Variants in STPG2 observed in about 807,000 individuals in gnomAD.
The protein encoded by STPG2 is sperm-tail PG-rich repeat-containing protein 2.
In STPG2, 56 loss-of-function variants were observed where a neutral mutation model predicts 54.2. That is an observed-to-expected ratio of 1.03 (90% confidence interval 0.83 to 1.29). The LOEUF (loss-of-function observed/expected upper bound fraction) is 1.29, where lower values mean the gene tolerates loss of function less well. Among genes scored for constraint, STPG2 ranks in the 50% most tolerant of loss-of-function variants. The pLI is 0.00. For synonymous variants in STPG2, 200 were observed against 181.8 expected, an observed-to-expected ratio of 1.10 and a Z score of -0.81; for missense variants, 596 against 544.9, an observed-to-expected ratio of 1.09 and a Z score of -0.93.
chr4:97,463,831 A>G (rs947922139), intron 4 of STPG2, among the ~76,000 whole-genome samples: 3 of 152,264 alleles, frequency 2.0e-5, no homozygotes, highest in Admixed American at 6.5e-5. Context: ...TAGTAACACC[A>G]TATGTTTTTT....
chr4:98,095,112 T>C (rs1738812520), intron 5 of STPG2, among the ~76,000 whole-genome samples: 2 of 152,060 alleles, frequency 1.3e-5, no homozygotes, highest in Non-Finnish European at 2.9e-5. Context: ...ATTACAACAG[T>C]TTAAAATAAT....
At chr4:98,035,944 C>T (rs925897708) in intron 5 of STPG2, among the ~76,000 whole-genome samples, 7 of 150,942 alleles carry the variant, frequency 4.6e-5, no homozygotes, top group South Asian at 2.1e-4. Context: ...CAGGGCCTGT[C>T]GAGGGGTGGG....
chr4:97,617,328 AT>A (rs1484305054), intron 10 of STPG2, among the ~76,000 whole-genome samples: 1 of 152,138 alleles, frequency 6.6e-6, no homozygotes, highest in African/African-American at 2.4e-5. Context: ...TTGGGATTCA[AT>A]TTTCTGAATT....
chr4:97,793,583 T>C (rs1318434536), intron 9 of STPG2, among the ~76,000 whole-genome samples: 1 of 151,898 alleles, frequency 6.6e-6, no homozygotes, highest in African/African-American at 2.4e-5. Flanking sequence ...TTCTAAAAGA[T>C]ATATTTCAAG....
intron 9 of STPG2, among the ~76,000 whole-genome samples, chr4:97,762,984 T>A (rs1725931462): frequency 1.3e-5 from 2 of 152,156 alleles, no homozygotes; most frequent in Non-Finnish European, 2.9e-5. Context: ...TGGATACAAA[T>A]CTTAACATAC....
At chr4:97,551,855 G>A (rs1731973990) in intron 4 of STPG2, among the ~76,000 whole-genome samples, 1 of 152,124 alleles carries the variant, frequency 6.6e-6, no homozygotes. Flanking sequence ...CTAGGACTGG[G>A]GGGTGTCTCA....
intron 4 of STPG2, among the ~76,000 whole-genome samples, chr4:97,535,924 GTT>G (rs1261383994): frequency 6.6e-6 from 1 of 152,080 alleles, no homozygotes; most frequent in Non-Finnish European, 1.5e-5. Context: ...CACCATCTGT[GTT>G]TTTCTCTCTA....
At chr4:98,011,032 T>C (rs998550288) in intron 5 of STPG2, among the ~76,000 whole-genome samples, 1 of 152,198 alleles carries the variant, frequency 6.6e-6, no homozygotes, top group Admixed American at 6.5e-5. Context: ...CTTAGTGGTT[T>C]GCTGCACTGA....
chr4:98,068,110 C>T (rs1458871262), intron 5 of STPG2, among the ~76,000 whole-genome samples: 1 of 152,088 alleles, frequency 6.6e-6, no homozygotes, highest in South Asian at 2.1e-4. Flanking sequence ...AAGTAACATC[C>T]AGGCTGTGCT....
At chr4:97,834,516 A>C (rs146548385) in intron 9 of STPG2, among the ~76,000 whole-genome samples, 1 of 151,750 alleles carries the variant, frequency 6.6e-6, no homozygotes, top group East Asian at 1.9e-4. Flanking sequence ...ATAAAAAATT[A>C]TTATTATTCG....
chr4:97,778,392 C>T (rs930210305), intron 9 of STPG2, among the ~76,000 whole-genome samples: 3 of 152,126 alleles, frequency 2.0e-5, no homozygotes, highest in South Asian at 2.1e-4. Context: ...GGGGGAGGGG[C>T]GTCCAACATT....
At chr4:97,972,462 T>C in intron 6 of STPG2, 22 bp from the exon 7 acceptor site, 1 of 1,373,402 alleles carries the variant, frequency 7.3e-7, no homozygotes, top group South Asian at 1.6e-5. Context: ...AGAAGTATCA[T>C]ATATAAGAAT....
intron 8 of STPG2, among the ~76,000 whole-genome samples, chr4:97,921,925 A>G (rs1176635114): frequency 6.6e-6 from 1 of 152,196 alleles, no homozygotes; most frequent in Non-Finnish European, 1.5e-5. Flanking sequence ...CAGATACAGA[A>G]AGACAAATTC....
At chr4:97,479,424 A>C (rs1383702247) in intron 4 of STPG2, among the ~76,000 whole-genome samples, 10 of 152,000 alleles carry the variant, frequency 6.6e-5, no homozygotes, top group Admixed American at 6.5e-4. Flanking sequence ...TCTGCATAAA[A>C]GATAAGAAGC....
At chr4:97,541,339 G>A (rs1005847260) in intron 4 of STPG2, among the ~76,000 whole-genome samples, 1 of 152,058 alleles carries the variant, frequency 6.6e-6, no homozygotes, top group Non-Finnish European at 1.5e-5. Context: ...GACAAACAGA[G>A]AGCCAAATCA....
chr4:98,061,201 G>A (rs1004671961), intron 5 of STPG2, among the ~76,000 whole-genome samples: 2 of 152,120 alleles, frequency 1.3e-5, no homozygotes, highest in Non-Finnish European at 2.9e-5. Context: ...CATCTATAAG[G>A]ATGCTGTATT....
At chr4:97,557,952 G>A (rs971137166), downstream of STPG2, among the ~76,000 whole-genome samples, 1 of 152,160 alleles carries the variant, frequency 6.6e-6, no homozygotes, top group African/African-American at 2.4e-5. Context: ...ATACACAAAT[G>A]AGAAATCCAG....
At chr4:97,937,374 C>G (rs757870819) in intron 8 of STPG2, among the ~76,000 whole-genome samples, 2 of 152,178 alleles carry the variant, frequency 1.3e-5, no homozygotes, top group South Asian at 4.1e-4. Flanking sequence ...CTAAAGGCTA[C>G]TTCTGTAATT....
At chr4:98,115,466 C>T (rs1326484747) in intron 3 of STPG2, among the ~76,000 whole-genome samples, 1 of 151,910 alleles carries the variant, frequency 6.6e-6, no homozygotes, top group Non-Finnish European at 1.5e-5. Context: ...TAGAATTTCT[C>T]TTCACAAATT....
Sources: gnomAD v4.1 joint callset for allele counts (sites outside exome capture counted in the v4.1 genomes callset) on GRCh38, gnomAD v4.1.1 for gene constraint, MANE v1.5 for transcripts, NCBI Gene and HGNC (gene_info 2026-07-23, HGNC 2026-07-21) for gene names.